Variants in PCSK2 observed in about 807,000 individuals in gnomAD.
PCSK2 encodes neuroendocrine convertase 2.
A neutral mutation model predicts 69.7 loss-of-function variants in PCSK2; 14 were observed. The observed-to-expected ratio is 0.20, with a 90% CI of 0.13 to 0.31. The LOEUF (loss-of-function observed/expected upper bound fraction) is 0.31, where lower values mean the gene tolerates loss of function less well. Ranked by LOEUF, PCSK2 falls within the 10% of genes least tolerant of loss-of-function variation. The pLI is 1.00. For synonymous variants in PCSK2, 307 were observed against 320.7 expected, an observed-to-expected ratio of 0.96 and a Z score of 0.46; for missense variants, 544 against 842.5, an observed-to-expected ratio of 0.65 and a Z score of 4.39.
intron 2 of PCSK2, among the ~76,000 whole-genome samples, chr20:17,270,424 G>C (rs1237741311): frequency 2.0e-5 from 3 of 152,084 alleles, no homozygotes; most frequent in Non-Finnish European, 4.4e-5. Flanking sequence ...TAACAGTGCA[G>C]CCAGGTCTAG....
chr20:17,242,176 G>A (rs1003561212), intron 1 of PCSK2, among the ~76,000 whole-genome samples: 7 of 152,164 alleles, frequency 4.6e-5, no homozygotes, highest in African/African-American at 1.7e-4. Context: ...GTGGATCCTG[G>A]AATTACAGAA....
chr20:17,277,228 T>C (rs1988117749), intron 2 of PCSK2, among the ~76,000 whole-genome samples: 2 of 152,058 alleles, frequency 1.3e-5, no homozygotes, highest in Admixed American at 1.3e-4. Flanking sequence ...CTTTAAAGTT[T>C]ATATAGAACC....
At chr20:17,465,611 A>G (rs1294617733) in intron 11 of PCSK2, 58 bp downstream of exon 11, 2 of 1,018,890 alleles carry the variant, frequency 2.0e-6, no homozygotes, top group African/African-American at 1.6e-5. Context: ...AGATGGCTCC[A>G]TGGCATTGGC....
At chr20:17,363,107 G>T (rs2030457588) in intron 4 of PCSK2, among the ~76,000 whole-genome samples, 1 of 152,220 alleles carries the variant, frequency 6.6e-6, no homozygotes, top group Non-Finnish European at 1.5e-5. Flanking sequence ...ATACCTAAGG[G>T]CAAAACTAAT....
At chr20:17,461,576 C>T (rs925955441) in intron 10 of PCSK2, among the ~76,000 whole-genome samples, 4 of 152,174 alleles carry the variant, frequency 2.6e-5, no homozygotes, top group Admixed American at 2.0e-4. Flanking sequence ...GAAGTGATTC[C>T]TCCAACCTTA....
chr20:17,398,851 T>A (rs186470822), intron 5 of PCSK2, among the ~76,000 whole-genome samples: 1 of 152,168 alleles, frequency 6.6e-6, no homozygotes, highest in Admixed American at 6.5e-5. Context: ...TTCTAAAAGC[T>A]CTCCAGGTGA....
chr20:17,243,944 T>A (rs935323475), intron 1 of PCSK2, among the ~76,000 whole-genome samples: 1 of 152,174 alleles, frequency 6.6e-6, no homozygotes, highest in East Asian at 1.9e-4. Context: ...GATTGAACTT[T>A]GGGCCAGATT....
intron 2 of PCSK2, among the ~76,000 whole-genome samples, chr20:17,266,662 A>G (rs1349760427): frequency 2.0e-5 from 3 of 152,198 alleles, no homozygotes; most frequent in Non-Finnish European, 4.4e-5. Flanking sequence ...AAGGAAGAGA[A>G]CACTGGGCAA....
intron 5 of PCSK2, among the ~76,000 whole-genome samples, chr20:17,395,686 TTATATG>T (rs1331761711): frequency 3.3e-5 from 5 of 152,222 alleles, no homozygotes; most frequent in African/African-American, 9.7e-5. Context: ...TACATAAAAC[TTATATG>T]TATATGTATA....
rs77079778 is a variant in PCSK2, at chr20:17,281,479, G to A, written c.282+21135G>A. Among the ~76,000 whole-genome samples, 759 of 152,280 alleles carry A rather than the reference G, an allele frequency of 5.0e-3. 3 individuals are homozygous for A. Among genetic ancestry groups the A allele is most frequent in the African/African-American group, 0.017 (727 of 41,556 alleles). On this transcript the variant is annotated intron_variant, in intron 2 of 11. Transcript: ENST00000262545. ...TTACTATGTTACCAGTGTTCCCATGGTGATGCTGAGAATGTTACAAGGACC... is the reference window on the plus strand; with the variant it reads ...TTACTATGTTACCAGTGTTCCCATGATGATGCTGAGAATGTTACAAGGACC...
chr20:17,271,589 G>T (rs952160637), intron 2 of PCSK2, among the ~76,000 whole-genome samples: 13 of 151,964 alleles, frequency 8.6e-5, no homozygotes, highest in Non-Finnish European at 1.6e-4. Context: ...CTTCTCCTCT[G>T]TGTGAGGAAC....
At chr20:17,464,127 T>C (rs1271432528) in intron 10 of PCSK2, 1 of 152,162 alleles carries the variant, frequency 6.6e-6, no homozygotes, top group Non-Finnish European at 1.5e-5. Flanking sequence ...GTTGGAATGG[T>C]CTGAGAAGTT....
At chr20:17,360,329 T>A (rs2030346930) in intron 3 of PCSK2, among the ~76,000 whole-genome samples, 1 of 115,896 alleles carries the variant, frequency 8.6e-6, no homozygotes, top group Admixed American at 9.7e-5. Context: ...ACACAAAGTG[T>A]TTATACCAAA....
intron 1 of PCSK2, among the ~76,000 whole-genome samples, chr20:17,248,175 G>GGTGTGTGTGGGTGTGT (rs1986837726): frequency 6.9e-6 from 1 of 144,372 alleles, no homozygotes; most frequent in Non-Finnish European, 1.5e-5. Flanking sequence ...TATAAAAAAG[G>GGTGTGTGTGGGTGTGT]GTGTGTGTGT....
intron 2 of PCSK2, among the ~76,000 whole-genome samples, chr20:17,294,888 A>G (rs1417560): frequency 0.9 from 137,356 of 152,164 alleles, 62,130 homozygotes; most frequent in East Asian, 0.95. Flanking sequence ...TTACATAGGT[A>G]TAAGACACTC....
intron 9 of PCSK2, 135 bp downstream of exon 9, chr20:17,454,092 C>A: frequency 7.9e-7 from 1 of 1,266,024 alleles, no homozygotes; most frequent in Non-Finnish European, 1.1e-6. Context: ...AAGGGAAGAC[C>A]CCTTTTCTCT....
chr20:17,250,781 CAAA>C (rs1986947024), intron 1 of PCSK2, among the ~76,000 whole-genome samples: 2 of 152,040 alleles, frequency 1.3e-5, no homozygotes, highest in Non-Finnish European at 2.9e-5. Context: ...TTAACAACTC[CAAA>C]TTTTCTTTCT....
chr20:17,396,632 T>C (rs1219319183), intron 5 of PCSK2, among the ~76,000 whole-genome samples: 1 of 150,846 alleles, frequency 6.6e-6, no homozygotes, highest in Non-Finnish European at 1.5e-5. Context: ...TTTTTTTTTT[T>C]GAAACAGGGT....
intron 2 of PCSK2, among the ~76,000 whole-genome samples, chr20:17,350,085 G>A (rs1236650831): frequency 1.3e-5 from 2 of 149,982 alleles, no homozygotes; most frequent in African/African-American, 4.9e-5. Context: ...TTGTTTCTAG[G>A]CCCTCTTAGT....
Sources: gnomAD v4.1 joint callset for allele counts (sites outside exome capture counted in the v4.1 genomes callset) on GRCh38, gnomAD v4.1.1 for gene constraint, MANE v1.5 for transcripts, NCBI Gene and HGNC (gene_info 2026-07-23, HGNC 2026-07-21) for gene names.